DMD: variants seen among roughly 807,000 people sequenced by gnomAD.
DMD encodes mutant dystrophin.
A neutral mutation model predicts 330.1 loss-of-function variants in DMD; 63 were observed. The ratio of observed to expected loss-of-function variants is 0.19; its 90% CI spans 0.16 to 0.24. The LOEUF (loss-of-function observed/expected upper bound fraction) is 0.24. DMD is among the 10% of genes least tolerant of loss of function. The pLI, the probability that DMD is intolerant of heterozygous loss-of-function variation, is 1.00. For synonymous variants in DMD, 1,223 were observed against 959.8 expected (o/e 1.27, Z -5.07); for missense variants, 3,344 against 2,684.1 (o/e 1.25, Z -5.43).
At chrX:32,868,859 G>A (rs1027323126) in intron 2 of DMD, among the ~76,000 whole-genome samples, 2 of 112,212 alleles carry the variant, frequency 1.8e-5, no homozygotes, top group African/African-American at 6.5e-5. Context: ...AGACAAGTGG[G>A]ATTCCCCCAG....
rs144418188 is a variant in DMD at position 31,782,555 on chromosome X, C to T, written c.7310-8363G>A. 2.9e-3 allele frequency among the ~76,000 whole-genome samples: 321 copies of T among 108,952 alleles called. 1 individual carries two copies. The highest frequency in any genetic ancestry group is 0.01 in the African/African-American group (300 of 29,863). 94.6% of individuals were successfully genotyped at this position (108,952 alleles called of 115,157 possible). A position where few individuals can be genotyped will look rare whatever the true frequency, so the allele number is the denominator to read the frequency against. ...GCTGAGTCTAGCAAAAGAATCGCCT[C>T]GATGAACCAAGCCCCAAGCAGAATC... On this transcript the variant is annotated intron_variant, in intron 50 of 78. Transcript: ENST00000357033.
At chrX:32,496,558 A>T (rs1185760423) in intron 19 of DMD, among the ~76,000 whole-genome samples, 6 of 112,406 alleles carry the variant, frequency 5.3e-5, no homozygotes, top group East Asian at 5.6e-4. Flanking sequence ...TCATAAAATT[A>T]AAAAAAGTCA....
chrX:31,242,036 G>A (rs144507091), intron 63 of DMD, among the ~76,000 whole-genome samples: 416 of 109,658 alleles, frequency 3.8e-3, no homozygotes, highest in Non-Finnish European at 5.6e-3. Context: ...ATGGGCAGAT[G>A]GCTTGAGCTC....
intron 69 of DMD, 116 bp downstream of exon 69, chrX:31,180,253 TG>T: frequency 3.4e-6 from 2 of 587,313 alleles, no homozygotes; most frequent in East Asian, 7.1e-5. Context: ...CCACTTTAGC[TG>T]GGGAACATCT....
intron 2 of DMD, among the ~76,000 whole-genome samples, chrX:33,006,692 T>A (rs905918507): frequency 1.8e-5 from 2 of 111,660 alleles, no homozygotes; most frequent in Non-Finnish European, 3.8e-5. Flanking sequence ...CATTGTTCCT[T>A]ATTTTTTAAT....
Position 32,252,844 on chromosome X carries a change from A to G in DMD, c.6290+34685T>C, listed in dbSNP as rs1362252174. On this transcript the variant is annotated intron_variant, in intron 43 of 78. Transcript: ENST00000357033. ...TATAAATATATATAAATATATATAA[A>G]TATATAAATATATATAAATATATAA... Among the ~76,000 whole-genome samples, 27 of 54,025 alleles carry G rather than the reference A, an allele frequency of 5.0e-4. 2 individuals are homozygous for G. The highest frequency in any genetic ancestry group is 1.8e-3 in the African/African-American group (24 of 12,993). The allele number at this position is 54,025 out of a possible 115,157, so 46.9% of individuals were successfully genotyped here.
chrX:32,039,920 G>A (rs2095985779), intron 44 of DMD, among the ~76,000 whole-genome samples: 1 of 110,432 alleles, frequency 9.1e-6, no homozygotes, highest in Non-Finnish European at 1.9e-5. Flanking sequence ...TGTGCCTGGG[G>A]GAAAAATGTT....
At chrX:33,319,058 C>G (rs1176158795) in intron 1 of DMD, among the ~76,000 whole-genome samples, 4 of 108,847 alleles carry the variant, frequency 3.7e-5, no homozygotes, top group Non-Finnish European at 5.7e-5. Flanking sequence ...CCTAGAGAGC[C>G]AGCTCGCCTC....
intron 11 of DMD, among the ~76,000 whole-genome samples, chrX:32,623,650 C>T (rs2058149071): frequency 9.2e-6 from 1 of 108,880 alleles, no homozygotes; most frequent in African/African-American, 3.4e-5. Context: ...GCCTCAGCCT[C>T]CTGAGTAGCT....
At chrX:32,469,144 T>C (rs2040356929) in intron 22 of DMD, among the ~76,000 whole-genome samples, 1 of 110,744 alleles carries the variant, frequency 9.0e-6, no homozygotes, top group South Asian at 3.8e-4. Context: ...AAAAACTTAT[T>C]GAACAATCTA....
At chrX:33,162,954 TA>T (rs1467234647) in intron 1 of DMD, among the ~76,000 whole-genome samples, 1 of 111,492 alleles carries the variant, frequency 9.0e-6, no homozygotes, top group Non-Finnish European at 1.9e-5. Flanking sequence ...AGAAACAGCA[TA>T]AACTATTGAC....
At chrX:31,132,289 G>A (rs181883652) in intron 77 of DMD, among the ~76,000 whole-genome samples, 38 of 112,438 alleles carry the variant, frequency 3.4e-4, no homozygotes, top group African/African-American at 1.2e-3. Flanking sequence ...TGTCTTCCAG[G>A]AAGCTTCTAC....
chrX:31,508,251 C>T lies in DMD; in HGVS notation c.8218-798G>A, dbSNP rs149479376. On this transcript the variant is annotated intron_variant, in intron 55 of 78. Coordinates refer to ENST00000357033, the MANE Select transcript of DMD (RefSeq NM_004006.3). ...CCTGTGTAACATTTTCAGCTTGAAC[C>T]GGGCACTACAGCACTGATCCTGTTG... 737 of 1,204,902 alleles carry T rather than the reference C, an allele frequency of 6.1e-4. 8 individuals are homozygous for T. The African/African-American group carries it at 0.01, about 17-fold the overall frequency.
intron 59 of DMD, among the ~76,000 whole-genome samples, chrX:31,452,428 GA>G (rs2065828865): frequency 9.2e-6 from 1 of 108,565 alleles, no homozygotes; most frequent in Non-Finnish European, 1.9e-5. Flanking sequence ...ACTAAAAACA[GA>G]AAAATTAGCC....
chrX:31,325,592 C>T (rs1040165962), intron 61 of DMD, among the ~76,000 whole-genome samples: 13 of 110,883 alleles, frequency 1.2e-4, no homozygotes, highest in African/African-American at 3.9e-4. Flanking sequence ...CCAGCCTGGG[C>T]GACAAGAGCA....
chrX:32,531,894 C>T (rs752342958), intron 17 of DMD, among the ~76,000 whole-genome samples: 17 of 111,433 alleles, frequency 1.5e-4, no homozygotes, highest in South Asian at 3.7e-4. Flanking sequence ...GATATTAATT[C>T]TGAAATTTTT....
chrX:32,021,348 T>C (rs1473999742), intron 44 of DMD, among the ~76,000 whole-genome samples: 6 of 112,110 alleles, frequency 5.4e-5, no homozygotes, highest in East Asian at 2.8e-4. Flanking sequence ...TCTTTAAAGA[T>C]ACAAATACAG....
chrX:32,157,992 G>A (rs1476601079), intron 44 of DMD, among the ~76,000 whole-genome samples: 1 of 112,079 alleles, frequency 8.9e-6, no homozygotes, highest in Non-Finnish European at 1.9e-5. Flanking sequence ...GTATAATATT[G>A]AGATTTTTAG....
At chrX:32,777,446 A>AGATTG (rs1463666616) in intron 7 of DMD, among the ~76,000 whole-genome samples, 1 of 110,323 alleles carries the variant, frequency 9.1e-6, no homozygotes, top group Admixed American at 9.7e-5. Context: ...AAAAATTTTA[A>AGATTG]GATTGTTTAT....
Sources: gnomAD v4.1 joint callset for allele counts (sites outside exome capture counted in the v4.1 genomes callset) on GRCh38, gnomAD v4.1.1 for gene constraint, MANE v1.5 for transcripts, NCBI Gene and HGNC (gene_info 2026-07-23, HGNC 2026-07-21) for gene names.